Variants in RAP1GAP2 observed in about 807,000 individuals in gnomAD.
RAP1GAP2 encodes the protein rap1 GTPase-activating protein 2.
Under a neutral mutation model 95.0 loss-of-function variants are expected in RAP1GAP2, and 27 were observed. The observed-to-expected ratio is 0.28, with a 90% CI of 0.21 to 0.39. RAP1GAP2 has a LOEUF of 0.39. Ranked by LOEUF, RAP1GAP2 falls within the 10% of genes least tolerant of loss-of-function variation. RAP1GAP2 has a pLI of 1.00. For missense variants in RAP1GAP2, 771 were observed against 970.0 expected, an observed-to-expected ratio of 0.79 and a Z score of 2.72; for synonymous variants, 373 against 380.9, an observed-to-expected ratio of 0.98 and a Z score of 0.24.
intron 2 of RAP1GAP2, among the ~76,000 whole-genome samples, chr17:2,820,764 T>C (rs1318226409): frequency 6.6e-6 from 1 of 152,022 alleles, no homozygotes; most frequent in African/African-American, 2.4e-5. Flanking sequence ...TGAGACGGAG[T>C]CTCACTCTGT....
Position 2,902,663 on chromosome 17 carries a change from G to A in RAP1GAP2, c.81-2621G>A, listed in dbSNP as rs1267020276. On this transcript the variant is annotated intron_variant, in intron 2 of 24. Coordinates refer to ENST00000254695, the MANE Select transcript of RAP1GAP2 (RefSeq NM_015085.5). The surrounding 1 kb of genome is among the most constrained non-coding windows in gnomAD (Gnocchi z 4.1). ...GCTCTAGCGCCTTCCAAGCTCCCAG[G>A]CATCATTTGGGAAATCCTTCTGGTC... is the stretch of plus-strand genomic sequence containing the variant. Among the ~76,000 whole-genome samples, 1 of 152,148 alleles carries A rather than the reference G, an allele frequency of 6.6e-6. No individual in the cohort carries two copies. Among genetic ancestry groups the A allele is most frequent in the African/African-American group, 2.4e-5 (1 of 41,444 alleles).
intron 12 of RAP1GAP2, among the ~76,000 whole-genome samples, chr17:2,992,263 C>T (rs772331952): frequency 2.7e-5 from 4 of 150,704 alleles, no homozygotes; most frequent in Admixed American, 1.3e-4. Flanking sequence ...TGGGTTCAAG[C>T]GATTCTCCTG....
At chr17:2,840,320 C>T (rs897776109) in intron 2 of RAP1GAP2, among the ~76,000 whole-genome samples, 1 of 151,628 alleles carries the variant, frequency 6.6e-6, no homozygotes, top group African/African-American at 2.4e-5. Context: ...CCCACCACAA[C>T]ACCCAGCTAA....
rs973980524 is a variant in RAP1GAP2 at position 2,865,963 on chromosome 17, C to T, written c.81-39321C>T. On this transcript the variant is annotated intron_variant, in intron 2 of 24. Coordinates refer to ENST00000254695, the MANE Select transcript of RAP1GAP2 (RefSeq NM_015085.5). The stretch of plus-strand genomic sequence containing the variant: ...CATTCAGTTCACCTCCATCAATATG[C>T]GGGTGCCCTCCCTGCCTCCAGCAGC... Among the ~76,000 whole-genome samples the T allele has an allele frequency of 1.8e-4, 28 of 152,240 alleles. 1 individual carries two copies. Among genetic ancestry groups the T allele is most frequent in the African/African-American group, 4.6e-4 (19 of 41,466 alleles).
chr17:2,829,067 C>T (rs1477107224), intron 2 of RAP1GAP2, among the ~76,000 whole-genome samples: 1 of 143,578 alleles, frequency 7.0e-6, no homozygotes, highest in African/African-American at 2.6e-5. Context: ...ACTGCAACCT[C>T]TGCCTCCCAG....
intron 10 of RAP1GAP2, among the ~76,000 whole-genome samples, chr17:2,983,394 A>G (rs1051512027): frequency 6.6e-6 from 1 of 152,166 alleles, no homozygotes; most frequent in African/African-American, 2.4e-5. Context: ...TTCTCATTCA[A>G]GTGCGTTGAC....
upstream of RAP1GAP2, among the ~76,000 whole-genome samples, chr17:2,796,039 G>A (rs986701896): frequency 9.2e-5 from 14 of 152,118 alleles, no homozygotes; most frequent in African/African-American, 3.4e-4. This position sits in a 1 kb window ranked among gnomAD's most constrained non-coding sequence, Gnocchi z 4.7. Flanking sequence ...GAGCCATGGT[G>A]GGGCAGGCAG....
At position 2,830,223 on chromosome 17, in the gene RAP1GAP2, C is replaced by G. The variant is rs899163797; in HGVS notation, c.80+29673C>G. Among the ~76,000 whole-genome samples the G allele has an allele frequency of 2.6e-5, 4 of 151,424 alleles. No homozygotes were observed. The East Asian group carries it at 5.9e-4, about 22-fold the overall frequency. On this transcript the variant is annotated intron_variant, in intron 2 of 24. Coordinates refer to ENST00000254695, the MANE Select transcript of RAP1GAP2 (RefSeq NM_015085.5). Reference sequence around the variant, plus strand: ...GGTCAGGAGTTCAAGACCAGCCTGGCCAACATGGTGAAACCCTGTCTGTAC... The same window carrying G: ...GGTCAGGAGTTCAAGACCAGCCTGGGCAACATGGTGAAACCCTGTCTGTAC...
chr17:3,030,952 A>C lies in RAP1GAP2; in HGVS notation c.2138A>C (p.Asn713Thr). ...AAAAGCAGAAACTCCCCGAGATCGAACCTGAAATTCCGCTTTGACAAGCTC... is the reference window on the plus strand; with the variant it reads ...AAAAGCAGAAACTCCCCGAGATCGACCCTGAAATTCCGCTTTGACAAGCTC... The part of the protein sequence containing the change: ...DAKSRNSPRS[N>T]LKFRFDKLSH... The change falls in exon 23 of 25, where the codon AAC (asparagine) becomes ACC (threonine). Residue 713 changes from asparagine to threonine, a missense_variant. By Grantham distance (65) the Asn-to-Thr change is moderately conservative. Transcript: ENST00000254695. 1 of 1,611,516 alleles carries C rather than the reference A, an allele frequency of 6.2e-7. No homozygotes were observed.
intron 2 of RAP1GAP2, among the ~76,000 whole-genome samples, chr17:2,812,338 G>C (rs145486356): frequency 2.4e-4 from 36 of 152,204 alleles, no homozygotes; most frequent in Admixed American, 8.5e-4. Flanking sequence ...CTGAGTCATG[G>C]GGGGGTGGTT....
chr17:3,031,009 G>A lies in RAP1GAP2; in HGVS notation c.2184+11G>A, dbSNP rs778208874. ...GCCAGCTCTGGTGCGGTAAGGATGCGCCTCCCACACCCCACACTCCACTTT... is the reference window on the plus strand; with the variant it reads ...GCCAGCTCTGGTGCGGTAAGGATGCACCTCCCACACCCCACACTCCACTTT... On this transcript the variant is annotated intron_variant, in intron 23 of 24. Transcript: ENST00000254695. 6.9e-6 allele frequency: 11 copies of A among 1,589,588 alleles called. No homozygotes were observed. In the East Asian group the frequency reaches 1.1e-4, roughly 16 times the overall value.
intron 10 of RAP1GAP2, among the ~76,000 whole-genome samples, chr17:2,983,786 C>T (rs2045460357): frequency 6.6e-6 from 1 of 152,118 alleles, no homozygotes; most frequent in Non-Finnish European, 1.5e-5. Flanking sequence ...GTTCAAATTT[C>T]AAGTCTCCAC....
chr17:2,794,930 T>A (rs2069028190), upstream of RAP1GAP2, among the ~76,000 whole-genome samples: 3 of 126,838 alleles, frequency 2.4e-5, no homozygotes, highest in South Asian at 8.1e-4. Flanking sequence ...CAGGCTGGAG[T>A]ACAACAGCAT....
At chr17:2,947,756 A>G (rs1214423656) in intron 3 of RAP1GAP2, among the ~76,000 whole-genome samples, 2 of 151,240 alleles carry the variant, frequency 1.3e-5, no homozygotes, top group African/African-American at 4.9e-5. Context: ...GTCAGACGAC[A>G]TGGGACACAT....
At chr17:2,934,363 C>T (rs2043241873) in intron 3 of RAP1GAP2, among the ~76,000 whole-genome samples, 1 of 152,172 alleles carries the variant, frequency 6.6e-6, no homozygotes, top group Non-Finnish European at 1.5e-5. Flanking sequence ...AACTCCTGAC[C>T]TCAGGTGATC....
chr17:2,877,556 T>C (rs1369763438), intron 2 of RAP1GAP2, among the ~76,000 whole-genome samples: 1 of 152,064 alleles, frequency 6.6e-6, no homozygotes, highest in Non-Finnish European at 1.5e-5. Flanking sequence ...AAGACCAGCC[T>C]GGCCAACATG....
intron 2 of RAP1GAP2, among the ~76,000 whole-genome samples, chr17:2,838,821 T>G (rs1168016627): frequency 6.6e-6 from 1 of 152,194 alleles, no homozygotes; most frequent in African/African-American, 2.4e-5. Context: ...GGAGAATGTC[T>G]CAGTTAGGGG....
chr17:2,959,122 G>A (rs2044220638), intron 4 of RAP1GAP2, among the ~76,000 whole-genome samples: 1 of 152,100 alleles, frequency 6.6e-6, no homozygotes, highest in Non-Finnish European at 1.5e-5. Flanking sequence ...TGGGAAGCTG[G>A]CAGGGGGTTT....
intron 2 of RAP1GAP2, among the ~76,000 whole-genome samples, chr17:2,884,377 T>TTTG (rs1380345395): frequency 1.6e-4 from 24 of 150,030 alleles, no homozygotes; most frequent in African/African-American, 5.1e-4. Flanking sequence ...GAGTTGTTTT[T>TTTG]TTTTTTTTTT....
Sources: allele counts gnomAD v4.1 joint callset (sites outside exome capture counted in the v4.1 genomes callset), GRCh38; gene constraint gnomAD v4.1.1; non-coding constraint Gnocchi (gnomAD v3.1); transcripts MANE v1.5; gene names NCBI Gene and HGNC (gene_info 2026-07-23, HGNC 2026-07-21).